Variants in DUSP16 observed in about 807,000 individuals in gnomAD.
The protein encoded by DUSP16 is dual specificity phosphatase 16.
A neutral mutation model predicts 58.3 loss-of-function variants in DUSP16; 21 were observed. That is an observed-to-expected ratio of 0.36 (90% CI 0.26 to 0.52). The LOEUF (loss-of-function observed/expected upper bound fraction) is 0.52, where lower values mean the gene tolerates loss of function less well. Among genes scored for constraint, DUSP16 ranks in the 20% least tolerant of loss-of-function variants. The probability of loss-of-function intolerance (pLI) is 0.94; values close to 1 mark genes in which losing one functional copy is unlikely to be tolerated. For missense variants in DUSP16, 726 were observed against 819.0 expected, an observed-to-expected ratio of 0.89 and a Z score of 1.39; for synonymous variants, 320 against 323.8, an observed-to-expected ratio of 0.99 and a Z score of 0.12.
chr12:12,534,336 A>T (rs780003166), intron 1 of DUSP16, among the ~76,000 whole-genome samples: 1 of 152,230 alleles, frequency 6.6e-6, no homozygotes, highest in Non-Finnish European at 1.5e-5. Flanking sequence ...TATCAGGAGC[A>T]AAGTACCACA....
Position 12,475,753 on chromosome 12 carries a change from T to G in DUSP16, c.*1080A>C, listed in dbSNP as rs992185516. On this transcript the variant is annotated 3_prime_UTR_variant, in exon 7 of 7. Coordinates refer to ENST00000298573, the MANE Select transcript of DUSP16 (RefSeq NM_030640.3). ...TCCCATAATTTACCTCCCTAGGAAG[T>G]TTCCTATAAAATTCTGCCATATTAT... 1 of 152,220 alleles carries G rather than the reference T, an allele frequency of 6.6e-6. No homozygotes were observed. Among genetic ancestry groups the G allele is most frequent in the Admixed American group, 6.5e-5 (1 of 15,288 alleles). The allele number at this position is 152,220 out of a possible 1,614,324, so 9.4% of individuals were successfully genotyped here.
chr12:12,480,220 C>T lies in DUSP16; in HGVS notation c.815+3G>A, dbSNP rs760082960. 2.5e-6 allele frequency: 4 copies of T among 1,613,568 alleles called. No homozygotes were observed. Among genetic ancestry groups the T allele is most frequent in the Admixed American group, 3.3e-5 (2 of 59,896 alleles). On this transcript the variant is annotated splice_donor_region_variant and intron_variant, in intron 6 of 6. Transcript: ENST00000298573. ...ATCACAGAAGACATTTTCCTGCCCT[C>T]ACCTGTAAGCTTCATCTAAAGACAT...
intron 4 of DUSP16, among the ~76,000 whole-genome samples, chr12:12,496,669 G>A (rs1943832468): frequency 6.6e-6 from 1 of 152,214 alleles, no homozygotes; most frequent in Non-Finnish European, 1.5e-5. Context: ...ACTGATAAGA[G>A]AGAAAAGCAA....
intron 1 of DUSP16, among the ~76,000 whole-genome samples, chr12:12,537,869 T>C (rs182682750): frequency 1.8e-3 from 267 of 151,606 alleles, no homozygotes; most frequent in Non-Finnish European, 3.4e-3. Context: ...GTGTGGATCT[T>C]AGCTAATCTA....
At chr12:12,540,979 A>G (rs1202318725) in intron 1 of DUSP16, among the ~76,000 whole-genome samples, 1 of 103,064 alleles carries the variant, frequency 9.7e-6, no homozygotes, top group Admixed American at 1.4e-4. Context: ...TTTTTGAGCC[A>G]GGAGTCTCAC....
At chr12:12,483,877 C>A (rs1270289703) in intron 5 of DUSP16, among the ~76,000 whole-genome samples, 1 of 151,990 alleles carries the variant, frequency 6.6e-6, no homozygotes, top group Non-Finnish European at 1.5e-5. Context: ...CACTATGAGC[C>A]TGTAAGTCAT....
chr12:12,479,475 C>A (rs1943521454), intron 6 of DUSP16, among the ~76,000 whole-genome samples: 1 of 152,152 alleles, frequency 6.6e-6, no homozygotes, highest in African/African-American at 2.4e-5. Flanking sequence ...AGAGCTCGTG[C>A]AGATGACCAG....
At chr12:12,547,457 C>CA (rs202208136) in intron 1 of DUSP16, among the ~76,000 whole-genome samples, 35,169 of 80,022 alleles carry the variant, frequency 0.44, 5,773 homozygotes, top group Admixed American at 0.48. Flanking sequence ...CAAAAAAAAG[C>CA]AAAAAAAAAA....
chr12:12,547,278 A>G (rs915728840), intron 1 of DUSP16, among the ~76,000 whole-genome samples: 14 of 151,806 alleles, frequency 9.2e-5, no homozygotes, highest in South Asian at 2.1e-4. Flanking sequence ...AAAATACAAA[A>G]ATTAGCCGGG....
At position 12,495,230 on chromosome 12, in the gene DUSP16, C is replaced by T. The variant is rs1943812682; in HGVS notation, c.531+5289G>A. 1.7e-5 allele frequency among the ~76,000 whole-genome samples: 2 copies of T among 114,610 alleles called. 1 individual carries two copies. The highest frequency in any genetic ancestry group is 6.0e-4 in the South Asian group (2 of 3,326). The allele number at this position is 114,610 out of a possible 152,430, so 75.2% of individuals were successfully genotyped here. A position where few individuals can be genotyped will look rare whatever the true frequency, so the allele number is the denominator to read the frequency against. ...GTATATGAATTATATCTCAGTAAAG[C>T]CATTACAAAAAAAAAAAAAAAAAAA... On this transcript the variant is annotated intron_variant, in intron 4 of 6. Transcript: ENST00000298573.
At chr12:12,500,707 T>C in intron 3 of DUSP16, 25 bp from the exon 4 acceptor site, 1 of 1,510,246 alleles carries the variant, frequency 6.6e-7, no homozygotes, top group South Asian at 1.3e-5. Context: ...TATAAAATTA[T>C]AAAAAATTAT....
At chr12:12,558,511 A>G (rs1467866869) in intron 1 of DUSP16, among the ~76,000 whole-genome samples, 1 of 152,086 alleles carries the variant, frequency 6.6e-6, no homozygotes, top group African/African-American at 2.4e-5. Flanking sequence ...CCTCCAAAGT[A>G]GCCGGCACCA....
At chr12:12,530,381 A>G (rs147348299) in intron 1 of DUSP16, among the ~76,000 whole-genome samples, 40 of 152,232 alleles carry the variant, frequency 2.6e-4, no homozygotes, top group African/African-American at 9.6e-4. Flanking sequence ...GAGTTGTTGG[A>G]GTTCCTGATG....
rs188452462 is a variant in DUSP16 at position 12,475,494 on chromosome 12, C to G, written c.*1339G>C. The G allele has an allele frequency of 6.6e-6, 1 of 152,316 alleles. No homozygotes were observed. Among genetic ancestry groups the G allele is most frequent in the East Asian group, 1.9e-4 (1 of 5,188 alleles). 9.4% of individuals were successfully genotyped at this position (152,316 alleles called of 1,614,324 possible). Reference sequence around the variant, plus strand: ...GCCAGCGTTTCCAAAAACAGCTTGGCCATGGCTTTGCACTCTATTCACAAC... The same window carrying G: ...GCCAGCGTTTCCAAAAACAGCTTGGGCATGGCTTTGCACTCTATTCACAAC... On this transcript the variant is annotated 3_prime_UTR_variant, in exon 7 of 7. Transcript: ENST00000298573.
At chr12:12,550,854 A>C (rs1944713975) in intron 1 of DUSP16, among the ~76,000 whole-genome samples, 1 of 152,066 alleles carries the variant, frequency 6.6e-6, no homozygotes, top group Non-Finnish European at 1.5e-5. Flanking sequence ...ACAAACCTGC[A>C]CGTGCTGCAC....
At chr12:12,488,334 T>C (rs577534207) in intron 4 of DUSP16, among the ~76,000 whole-genome samples, 1 of 152,314 alleles carries the variant, frequency 6.6e-6, no homozygotes, top group South Asian at 2.1e-4. Context: ...CCAAAGTACT[T>C]TGTTCACACC....
intron 1 of DUSP16, among the ~76,000 whole-genome samples, chr12:12,558,450 T>G (rs1169735415): frequency 6.6e-6 from 1 of 151,982 alleles, no homozygotes. Flanking sequence ...AGTGCCATCA[T>G]AGCTCACTGC....
intron 3 of DUSP16, among the ~76,000 whole-genome samples, chr12:12,507,965 T>C (rs1364583226): frequency 6.6e-6 from 1 of 152,216 alleles, no homozygotes; most frequent in Non-Finnish European, 1.5e-5. Flanking sequence ...CAAAACTCCC[T>C]TTTTGTAACA....
In DUSP16 at chr12:12,562,459, C is replaced by G; in HGVS notation, c.-708G>C. ...TTAGGGAGGTAAAGGTGGGGGGCCG[C>G]GTTGTGAAAGTGGGGGTTGGGGGGG... On this transcript the variant is annotated 5_prime_UTR_variant, in exon 1 of 7. Coordinates refer to ENST00000298573, the MANE Select transcript of DUSP16 (RefSeq NM_030640.3). The G allele has an allele frequency of 7.2e-6, 1 of 137,986 alleles. No individual in the cohort carries two copies. Among genetic ancestry groups the G allele is most frequent in the East Asian group, 2.3e-4 (1 of 4,414 alleles). The allele number at this position is 137,986 out of a possible 1,614,324, so 8.5% of individuals were successfully genotyped here. A position where few individuals can be genotyped will look rare whatever the true frequency, so the allele number is the denominator to read the frequency against.
Sources: gnomAD v4.1 joint callset for allele counts (sites outside exome capture counted in the v4.1 genomes callset) on GRCh38, gnomAD v4.1.1 for gene constraint, MANE v1.5 for transcripts, NCBI Gene and HGNC (gene_info 2026-07-23, HGNC 2026-07-21) for gene names.